Variants in KAZN observed in about 807,000 individuals in gnomAD.
KAZN encodes the protein kazrin.
A neutral mutation model predicts 87.4 loss-of-function variants in KAZN; 40 were observed. The observed-to-expected ratio is 0.46, with a 90% confidence interval of 0.36 to 0.60. The LOEUF (loss-of-function observed/expected upper bound fraction) is 0.60. Among genes scored for constraint, KAZN ranks in the 20% least tolerant of loss-of-function variants. The probability of loss-of-function intolerance (pLI) is 0.00; values close to 1 mark genes in which losing one functional copy is unlikely to be tolerated. For synonymous variants in KAZN, 466 were observed against 458.3 expected (o/e 1.02, Z -0.22); for missense variants, 898 against 1,073.9 (o/e 0.84, Z 2.29).
At chr1:14,956,828 A>C (rs1663172441) in intron 1 of KAZN, among the ~76,000 whole-genome samples, 1 of 152,064 alleles carries the variant, frequency 6.6e-6, no homozygotes, top group Non-Finnish European at 1.5e-5. Context: ...AGGTGGGAGC[A>C]CCGAGGGGTG....
intron 2 of KAZN, among the ~76,000 whole-genome samples, chr1:14,210,551 T>C (rs1199026157): frequency 6.6e-6 from 1 of 152,146 alleles, no homozygotes; most frequent in Non-Finnish European, 1.5e-5. Flanking sequence ...TAAACATGCA[T>C]ATGGGCAGGC....
chr1:14,456,461 C>T (rs919488781), intron 2 of KAZN, among the ~76,000 whole-genome samples: 17 of 151,600 alleles, frequency 1.1e-4, no homozygotes, highest in Non-Finnish European at 2.1e-4. Context: ...ACGTTTATAC[C>T]TGTTCTTACA....
intron 1 of KAZN, among the ~76,000 whole-genome samples, chr1:13,954,160 C>T (rs2359897): frequency 0.077 from 11,706 of 152,198 alleles, 691 homozygotes; most frequent in East Asian, 0.22. Flanking sequence ...GCCGAGATTG[C>T]GCCACTGCAC....
At position 14,322,523 on chromosome 1, in the gene KAZN, C is replaced by A. The variant is rs564427263; in HGVS notation, c.249+141931C>A. Among the ~76,000 whole-genome samples the A allele has an allele frequency of 1.2e-4, 19 of 152,286 alleles. 1 individual carries two copies. Among genetic ancestry groups the A allele is most frequent in the African/African-American group, 3.8e-4 (16 of 41,580 alleles). On this transcript the variant is annotated intron_variant, in intron 2 of 16. Transcript: ENST00000636203. ...CTCTTCTAATCCATTCTATAGGAAA[C>A]CTCTTGACTGCAAGTTTTATAGAAA... is the stretch of plus-strand genomic sequence containing the variant.
intron 1 of KAZN, among the ~76,000 whole-genome samples, chr1:14,797,752 T>G (rs55735734): frequency 0.076 from 11,503 of 152,170 alleles, 559 homozygotes; most frequent in African/African-American, 0.13. Context: ...CCCAGGCAAA[T>G]TACCTCTCCA....
At chr1:14,238,495 A>G (rs1648623383) in intron 2 of KAZN, among the ~76,000 whole-genome samples, 1 of 152,252 alleles carries the variant, frequency 6.6e-6, no homozygotes, top group Non-Finnish European at 1.5e-5. Context: ...GGTTAAATTC[A>G]GAACTGATTA....
chr1:14,293,493 G>A (rs1232564163), intron 2 of KAZN, among the ~76,000 whole-genome samples: 2 of 151,934 alleles, frequency 1.3e-5, no homozygotes, highest in African/African-American at 4.8e-5. Flanking sequence ...GGCATTGCTG[G>A]TGTTGCCATG....
At chr1:14,123,781 G>A (rs1553131407) in intron 1 of KAZN, among the ~76,000 whole-genome samples, 5 of 152,004 alleles carry the variant, frequency 3.3e-5, no homozygotes, top group Non-Finnish European at 7.4e-5. Flanking sequence ...AAAGCCCCCA[G>A]TGGGCCTATA....
At chr1:14,673,152 G>A (rs1640014857) in intron 1 of KAZN, among the ~76,000 whole-genome samples, 1 of 152,212 alleles carries the variant, frequency 6.6e-6, no homozygotes, top group Non-Finnish European at 1.5e-5. Context: ...GGAGGTTACA[G>A]GGCAGCAAGA....
At chr1:14,419,372 T>C (rs1665155615) in intron 2 of KAZN, among the ~76,000 whole-genome samples, 1 of 152,140 alleles carries the variant, frequency 6.6e-6, no homozygotes, top group African/African-American at 2.4e-5. Context: ...TCCCCATCTA[T>C]CTCATTGCCT....
At chr1:14,444,306 A>ATTTTTTTTTTT (rs35461813) in intron 2 of KAZN, among the ~76,000 whole-genome samples, 7 of 95,232 alleles carry the variant, frequency 7.4e-5, no homozygotes, top group African/African-American at 3.1e-4. Context: ...TAAATTCATG[A>ATTTTTTTTTTT]TTTTTTTTTT....
At chr1:13,984,950 T>C (rs985160962) in intron 1 of KAZN, among the ~76,000 whole-genome samples, 2 of 152,186 alleles carry the variant, frequency 1.3e-5, no homozygotes, top group African/African-American at 4.8e-5. Flanking sequence ...TGAATAAATA[T>C]AATTTCTCTC....
At chr1:14,360,376 G>C (rs1305719392) in intron 2 of KAZN, among the ~76,000 whole-genome samples, 1 of 152,022 alleles carries the variant, frequency 6.6e-6, no homozygotes, top group Non-Finnish European at 1.5e-5. Context: ...TCCTTGCATT[G>C]GGTTAGAACA....
chr1:14,014,766 G>A (rs1000642929), intron 1 of KAZN, among the ~76,000 whole-genome samples: 1 of 152,192 alleles, frequency 6.6e-6, no homozygotes, highest in African/African-American at 2.4e-5. Flanking sequence ...GTCTGAGAGG[G>A]TGAGAAAGTG....
At chr1:14,367,486 T>A (rs1447260705) in intron 2 of KAZN, among the ~76,000 whole-genome samples, 2 of 151,768 alleles carry the variant, frequency 1.3e-5, no homozygotes. Context: ...GGGCCATGGG[T>A]GGTTTTGGAA....
Position 14,243,079 on chromosome 1 carries a change from C to CAA in KAZN, c.249+62488_249+62489insAA, listed in dbSNP as rs1245822431. Among the ~76,000 whole-genome samples, 11 of 152,306 alleles carry CAA rather than the reference C, an allele frequency of 7.2e-5. No homozygotes were observed. The East Asian group carries it at 2.1e-3, about 29-fold the overall frequency. On this transcript the variant is annotated intron_variant, in intron 2 of 16. Coordinates refer to the KAZN transcript ENST00000636203. ...CCCTTCAATCACATCTCCCATGGGC[C>CAA]ACCCACCACATCACTCAAGAAACGT...
Position 14,036,506 on chromosome 1 carries a change from GA to G in KAZN, c.91+142753del, listed in dbSNP as rs777924438. On this transcript the variant is annotated intron_variant, in intron 1 of 16. Coordinates refer to the KAZN transcript ENST00000636203. ...AATTATAAATGTTGCAGAAAATTTA[GA>G]AAGTGCAATAAAATAGGCACATTGG... 3.3e-5 allele frequency among the ~76,000 whole-genome samples: 5 copies of G among 152,136 alleles called. No individual in the cohort carries two copies. In the East Asian group the frequency reaches 7.8e-4, roughly 24 times the overall value.
intron 1 of KAZN, among the ~76,000 whole-genome samples, chr1:14,783,930 G>A (rs1264067860): frequency 6.6e-6 from 1 of 152,172 alleles, no homozygotes; most frequent in Non-Finnish European, 1.5e-5. Context: ...AGGAGAGACT[G>A]TGCCAAAAGT....
intron 1 of KAZN, among the ~76,000 whole-genome samples, chr1:14,622,736 C>T (rs1395893352): frequency 6.6e-6 from 1 of 151,452 alleles, no homozygotes; most frequent in Non-Finnish European, 1.5e-5. Flanking sequence ...TCTGCTTCAC[C>T]TTTAAGCCTC....
Sources: allele counts gnomAD v4.1 joint callset (sites outside exome capture counted in the v4.1 genomes callset), GRCh38; gene constraint gnomAD v4.1.1; transcripts MANE v1.5; gene names NCBI Gene and HGNC (gene_info 2026-07-23, HGNC 2026-07-21).